BBS9: variants seen among roughly 807,000 people sequenced by gnomAD.
BBS9 encodes protein PTHB1.
Under a neutral mutation model 117.7 loss-of-function variants are expected in BBS9, and 89 were observed. That is an observed-to-expected ratio of 0.76 (90% CI 0.64 to 0.90). The LOEUF is 0.90. Among genes scored for constraint, BBS9 ranks in the 40% least tolerant of loss-of-function variants. The pLI, the probability that BBS9 is intolerant of heterozygous loss-of-function variation, is 0.00. For missense variants in BBS9, 982 were observed against 1,042.2 expected (o/e 0.94, Z 0.80); for synonymous variants, 379 against 370.9 (o/e 1.02, Z -0.25).
At chr7:33,214,203 G>C (rs572629610) in intron 5 of BBS9, among the ~76,000 whole-genome samples, 1 of 152,274 alleles carries the variant, frequency 6.6e-6, no homozygotes, top group African/African-American at 2.4e-5. Context: ...TCTGGTCCAG[G>C]TGCTCCCTCC....
intron 20 of BBS9, among the ~76,000 whole-genome samples, chr7:33,527,424 A>T (rs1585133330): frequency 1.3e-5 from 2 of 152,030 alleles, no homozygotes; most frequent in African/African-American, 4.8e-5. Context: ...GGACCCTCCG[A>T]GCCAGGTGTG....
chr7:33,469,109 T>A (rs915473653), intron 19 of BBS9, among the ~76,000 whole-genome samples: 5 of 152,140 alleles, frequency 3.3e-5, no homozygotes, highest in Non-Finnish European at 5.9e-5. Context: ...CATTGGTAAG[T>A]AGTGTCAGAC....
In BBS9 at chr7:33,258,522, T is replaced by G. The variant is rs1288194190; in HGVS notation, c.617+1112T>G. ...GTGTATCATCATGTAATATTCCTTC[T>G]GTAATTCTTATGGCTCTTATCCAAA... On this transcript the variant is annotated intron_variant, in intron 6 of 22. Coordinates refer to ENST00000242067, the MANE Select transcript of BBS9 (RefSeq NM_198428.3). 2.6e-5 allele frequency among the ~76,000 whole-genome samples: 4 copies of G among 152,324 alleles called. No individual in the cohort carries two copies. In the East Asian group the frequency reaches 7.7e-4, roughly 29 times the overall value.
chr7:33,613,246 A>G (rs1864966995), intron 21 of BBS9, among the ~76,000 whole-genome samples: 1 of 152,054 alleles, frequency 6.6e-6, no homozygotes, highest in Non-Finnish European at 1.5e-5. Context: ...TCCTCAAAGT[A>G]TTGTTCTGGA....
chr7:33,595,276 A>C (rs185306957), intron 21 of BBS9, among the ~76,000 whole-genome samples: 1 of 152,194 alleles, frequency 6.6e-6, no homozygotes, highest in Non-Finnish European at 1.5e-5. Context: ...AATAGGAGAA[A>C]ATTTTTGCAA....
chr7:33,603,444 G>T (rs116586421), intron 21 of BBS9, among the ~76,000 whole-genome samples: 5 of 152,056 alleles, frequency 3.3e-5, no homozygotes, highest in Non-Finnish European at 7.4e-5. Context: ...CAGCCCCACC[G>T]TGTGACAAGA....
intron 5 of BBS9, among the ~76,000 whole-genome samples, chr7:33,190,957 G>A (rs1784024269): frequency 1.3e-5 from 2 of 152,188 alleles, no homozygotes; most frequent in South Asian, 4.1e-4. Flanking sequence ...CTATCAGATG[G>A]CAGTAGAACA....
At chr7:33,335,367 A>G (rs1022595963) in intron 9 of BBS9, among the ~76,000 whole-genome samples, 1 of 152,120 alleles carries the variant, frequency 6.6e-6, no homozygotes, top group Admixed American at 6.6e-5. Context: ...CCAATTTATT[A>G]TTTTTGATTA....
chr7:33,376,355 T>A (rs937862747), intron 17 of BBS9, among the ~76,000 whole-genome samples: 8 of 152,142 alleles, frequency 5.3e-5, no homozygotes, highest in African/African-American at 1.9e-4. Context: ...CATCCATGTT[T>A]CTGCAAAGGA....
At chr7:33,177,350 C>T (rs1797468348) in intron 4 of BBS9, 128 bp from the exon 5 acceptor site, 3 of 694,236 alleles carry the variant, frequency 4.3e-6, no homozygotes, top group African/African-American at 3.6e-5. Flanking sequence ...TTTCACAATA[C>T]ATAATATTTT....
intron 19 of BBS9, among the ~76,000 whole-genome samples, chr7:33,460,627 A>G (rs1296967617): frequency 6.6e-6 from 1 of 151,984 alleles, no homozygotes; most frequent in East Asian, 1.9e-4. Context: ...TCTATTTGGG[A>G]TCACTTTTAA....
At chr7:33,388,568 T>C (rs1337938395) in intron 19 of BBS9, among the ~76,000 whole-genome samples, 7 of 152,168 alleles carry the variant, frequency 4.6e-5, no homozygotes, top group Admixed American at 4.6e-4. Context: ...ACTTCTAGTA[T>C]TATGTCAGTT....
At chr7:33,450,729 G>A (rs1837681753) in intron 19 of BBS9, among the ~76,000 whole-genome samples, 1 of 151,878 alleles carries the variant, frequency 6.6e-6, no homozygotes, top group Non-Finnish European at 1.5e-5. Context: ...TAGTTTTTTT[G>A]TTGTTATTGG....
intron 5 of BBS9, among the ~76,000 whole-genome samples, chr7:33,247,664 C>T (rs1795558248): frequency 6.6e-6 from 1 of 152,088 alleles, no homozygotes; most frequent in African/African-American, 2.4e-5. Context: ...TTAATTAACT[C>T]CCATGTTCAC....
intron 21 of BBS9, among the ~76,000 whole-genome samples, chr7:33,561,524 T>A (rs1351973280): frequency 6.6e-6 from 1 of 152,164 alleles, no homozygotes; most frequent in Non-Finnish European, 1.5e-5. Context: ...GGAACACTGA[T>A]CTTTTTGGGA....
intron 19 of BBS9, among the ~76,000 whole-genome samples, chr7:33,405,448 A>G (rs1331461780): frequency 6.6e-6 from 1 of 152,152 alleles, no homozygotes; most frequent in Non-Finnish European, 1.5e-5. Context: ...CCTCTGGTAG[A>G]ATTCGGCTGT....
intron 5 of BBS9, among the ~76,000 whole-genome samples, chr7:33,184,476 G>A (rs902316610): frequency 6.6e-6 from 1 of 152,042 alleles, no homozygotes; most frequent in Non-Finnish European, 1.5e-5. Flanking sequence ...GCCTCTAACC[G>A]CCTAAATCTT....
At chr7:33,394,722 T>C (rs1584640091) in intron 19 of BBS9, among the ~76,000 whole-genome samples, 1 of 152,354 alleles carries the variant, frequency 6.6e-6, no homozygotes, top group East Asian at 1.9e-4. Context: ...ATTGGAATAC[T>C]GCCTTCTCAA....
intron 19 of BBS9, among the ~76,000 whole-genome samples, chr7:33,395,622 A>G (rs1827831668): frequency 6.6e-6 from 1 of 152,168 alleles, no homozygotes; most frequent in African/African-American, 2.4e-5. Flanking sequence ...CTCTTCTACA[A>G]AAGAGGCTGT....
Sources: allele counts gnomAD v4.1 joint callset (sites outside exome capture counted in the v4.1 genomes callset), GRCh38; gene constraint gnomAD v4.1.1; transcripts MANE v1.5; gene names NCBI Gene and HGNC (gene_info 2026-07-23, HGNC 2026-07-21).